Variants in UBE2E2 observed in about 807,000 individuals in gnomAD.
UBE2E2 encodes the protein ubiquitin-conjugating enzyme E2 E2.
A neutral mutation model predicts 24.7 loss-of-function variants in UBE2E2; 6 were observed. That is an observed-to-expected ratio of 0.24 (90% confidence interval 0.13 to 0.48). UBE2E2 has a LOEUF of 0.48. UBE2E2 is among the 20% of genes least tolerant of loss of function. The pLI, the probability that UBE2E2 is intolerant of heterozygous loss-of-function variation, is 0.99. For synonymous variants in UBE2E2, 104 were observed against 83.6 expected (o/e 1.24, Z -1.33); for missense variants, 169 against 245.0 (o/e 0.69, Z 2.07).
chr3:23,271,751 A>G (rs1698249141), intron 3 of UBE2E2, among the ~76,000 whole-genome samples: 1 of 152,138 alleles, frequency 6.6e-6, no homozygotes, highest in African/African-American at 2.4e-5. Flanking sequence ...ACAAACCTTG[A>G]GATAGACACA....
chr3:23,209,628 G>T (rs1038208109), intron 2 of UBE2E2, among the ~76,000 whole-genome samples: 1 of 152,192 alleles, frequency 6.6e-6, no homozygotes, highest in African/African-American at 2.4e-5. Context: ...ACATAAAAGC[G>T]ATCTGTAACT....
intron 3 of UBE2E2, among the ~76,000 whole-genome samples, chr3:23,390,173 G>T (rs905660660): frequency 1.2e-4 from 18 of 152,132 alleles, no homozygotes; most frequent in African/African-American, 4.3e-4. Context: ...CCCCAGCAAA[G>T]GCCCCACCCC....
intron 3 of UBE2E2, among the ~76,000 whole-genome samples, chr3:23,259,970 C>T (rs1697852818): frequency 1.3e-5 from 2 of 152,178 alleles, no homozygotes; most frequent in Non-Finnish European, 2.9e-5. Context: ...TCTCTTTTCT[C>T]ACAAAAGTAA....
chr3:23,350,005 C>T (rs1332578044), intron 3 of UBE2E2, among the ~76,000 whole-genome samples: 2 of 152,166 alleles, frequency 1.3e-5, no homozygotes, highest in Non-Finnish European at 2.9e-5. Flanking sequence ...CACACTGACA[C>T]CTCACACGGC....
chr3:23,514,475 C>T (rs1439049784), intron 4 of UBE2E2, among the ~76,000 whole-genome samples: 1 of 152,162 alleles, frequency 6.6e-6, no homozygotes, highest in Non-Finnish European at 1.5e-5. Flanking sequence ...TTTTCATTCT[C>T]ATTCTCCCAT....
intron 3 of UBE2E2, among the ~76,000 whole-genome samples, chr3:23,366,767 G>GT (rs1003199456): frequency 6.6e-6 from 1 of 151,412 alleles, no homozygotes; most frequent in African/African-American, 2.4e-5. Context: ...GAACCTAAAA[G>GT]TTAAAAAAAA....
At position 23,208,742 on chromosome 3, in the gene UBE2E2, A is replaced by G. The variant is rs1696225394; in HGVS notation, c.43A>G (p.Ser15Gly). 1 of 1,613,642 alleles carries G rather than the reference A, an allele frequency of 6.2e-7. No homozygotes were observed. Among genetic ancestry groups the G allele is most frequent in the Non-Finnish European group, 8.5e-7 (1 of 1,179,742 alleles). ...AQRVDDSPSTSGGSSDGDQRE... is the reference protein window; with the variant it reads ...AQRVDDSPSTGGGSSDGDQRE... ...AAGAGTTGATGACAGTCCAAGCACT[A>G]GTGGAGGAAGTTCCGATGGAGATCA... Residue 15 changes from serine (S) to glycine (G), a missense_variant, in exon 2 of 6, where the codon AGT (serine) becomes GGT (glycine). Physicochemically the swap from Ser to Gly is moderately conservative, Grantham distance 56 (BLOSUM62 0). Coordinates refer to ENST00000396703, the MANE Select transcript of UBE2E2 (RefSeq NM_152653.4).
rs1284242725 is a variant in UBE2E2, at chr3:23,220,430, C to T, written c.227+3118C>T. ...AATATTTTAAAACAAAACTTTATAGCTAAGAAAAAATTTCTGCTCATAAAA... is the reference window on the plus strand; with the variant it reads ...AATATTTTAAAACAAAACTTTATAGTTAAGAAAAAATTTCTGCTCATAAAA... On this transcript the variant is annotated intron_variant, in intron 3 of 5. Coordinates refer to ENST00000396703, the MANE Select transcript of UBE2E2 (RefSeq NM_152653.4). Among the ~76,000 whole-genome samples, 3 of 152,118 alleles carry T rather than the reference C, an allele frequency of 2.0e-5. No homozygotes were observed. In the East Asian group the frequency reaches 5.8e-4, roughly 29 times the overall value.
intron 3 of UBE2E2, among the ~76,000 whole-genome samples, chr3:23,404,156 A>G (rs1429199955): frequency 2.6e-5 from 4 of 152,162 alleles, no homozygotes; most frequent in Admixed American, 2.0e-4. Flanking sequence ...ACACACACAT[A>G]TGTACACATT....
At chr3:23,359,281 C>T (rs1696048909) in intron 3 of UBE2E2, among the ~76,000 whole-genome samples, 1 of 152,106 alleles carries the variant, frequency 6.6e-6, no homozygotes, top group Admixed American at 6.5e-5. Flanking sequence ...GCTAACATCT[C>T]CTTTGAGAAA....
chr3:23,324,405 G>C (rs2125293304), intron 3 of UBE2E2, among the ~76,000 whole-genome samples: 1 of 152,196 alleles, frequency 6.6e-6, no homozygotes, highest in South Asian at 2.1e-4. Flanking sequence ...ATTATGAAGG[G>C]AATTTAAAAG....
At chr3:23,204,361 C>G (rs1696070462) in intron 1 of UBE2E2, among the ~76,000 whole-genome samples, 1 of 152,080 alleles carries the variant, frequency 6.6e-6, no homozygotes. Context: ...TGCATGTTTT[C>G]AAGATTCATC....
At chr3:23,276,643 G>A (rs1698380424) in intron 3 of UBE2E2, among the ~76,000 whole-genome samples, 1 of 152,096 alleles carries the variant, frequency 6.6e-6, no homozygotes, top group South Asian at 2.1e-4. Context: ...AAGCTTGAGT[G>A]CAGCAAATGT....
At chr3:23,488,743 G>A (rs548899384) in intron 3 of UBE2E2, among the ~76,000 whole-genome samples, 29 of 152,204 alleles carry the variant, frequency 1.9e-4, no homozygotes, top group East Asian at 1.5e-3. Context: ...AGATAAGATC[G>A]GTAGATACAT....
At chr3:23,480,345 A>C (rs893230320) in intron 3 of UBE2E2, among the ~76,000 whole-genome samples, 1 of 152,210 alleles carries the variant, frequency 6.6e-6, no homozygotes, top group African/African-American at 2.4e-5. Flanking sequence ...GGGAGTGGGA[A>C]CAGGTACTTT....
intron 3 of UBE2E2, among the ~76,000 whole-genome samples, chr3:23,422,219 T>A (rs1381429060): frequency 6.6e-6 from 1 of 152,152 alleles, no homozygotes; most frequent in Non-Finnish European, 1.5e-5. Flanking sequence ...AACAATTTTC[T>A]TAGGTACTTT....
intron 3 of UBE2E2, among the ~76,000 whole-genome samples, chr3:23,260,725 C>T (rs568233360): frequency 3.3e-5 from 5 of 152,048 alleles, no homozygotes; most frequent in African/African-American, 7.2e-5. Flanking sequence ...CCTGGGAGGT[C>T]GAGGCTGTGG....
intron 5 of UBE2E2, among the ~76,000 whole-genome samples, chr3:23,553,262 A>G (rs1183752785): frequency 6.6e-6 from 1 of 152,180 alleles, no homozygotes; most frequent in East Asian, 1.9e-4. Flanking sequence ...TAATAAAACA[A>G]AATGCTATAT....
chr3:23,398,593 A>G (rs777112936), intron 3 of UBE2E2, among the ~76,000 whole-genome samples: 11 of 152,160 alleles, frequency 7.2e-5, no homozygotes, highest in Admixed American at 3.3e-4. Context: ...TATTAAAGGA[A>G]TGTGTGTCTT....
Sources: allele counts gnomAD v4.1 joint callset (sites outside exome capture counted in the v4.1 genomes callset), GRCh38; gene constraint gnomAD v4.1.1; transcripts MANE v1.5; gene names NCBI Gene and HGNC (gene_info 2026-07-23, HGNC 2026-07-21).